KIRREL3: variants seen among roughly 807,000 people sequenced by gnomAD.
KIRREL3 encodes kin of IRRE-like protein 3.
In KIRREL3, 36 loss-of-function variants were observed where a neutral mutation model predicts 89.7. The observed-to-expected ratio is 0.40, with a 90% CI of 0.31 to 0.53. The LOEUF (loss-of-function observed/expected upper bound fraction) is 0.53, where lower values mean the gene tolerates loss of function less well. Ranked by LOEUF, KIRREL3 falls within the 20% of genes least tolerant of loss-of-function variation. The probability of loss-of-function intolerance (pLI) is 0.49; values close to 1 mark genes in which losing one functional copy is unlikely to be tolerated. For synonymous variants in KIRREL3, 445 were observed against 441.4 expected, an observed-to-expected ratio of 1.01 and a Z score of -0.10; for missense variants, 864 against 1,056.6, an observed-to-expected ratio of 0.82 and a Z score of 2.53.
Position 126,739,776 on chromosome 11 carries a change from G to T in KIRREL3, c.56-176864C>A, listed in dbSNP as rs1948918725. ...CGTAGCCAACACTGCAAATCAGGCA[G>T]CATGTATCAGAGTTTAAAAACCTCA... On this transcript the variant is annotated intron_variant, in intron 1 of 16. Transcript: ENST00000525144. The surrounding 1 kb of genome is among the most constrained non-coding windows in gnomAD (Gnocchi z 5.5). Among the ~76,000 whole-genome samples, 1 of 152,202 alleles carries T rather than the reference G, an allele frequency of 6.6e-6. No homozygotes were observed. The highest frequency in any genetic ancestry group is 2.4e-5 in the African/African-American group (1 of 41,442).
Position 126,696,752 on chromosome 11 carries a change from G to A in KIRREL3, c.56-133840C>T, listed in dbSNP as rs1426822095. 6.6e-6 allele frequency among the ~76,000 whole-genome samples: 1 copy of A among 152,072 alleles called. No individual in the cohort carries two copies. Among genetic ancestry groups the A allele is most frequent in the African/African-American group, 2.4e-5 (1 of 41,388 alleles). On this transcript the variant is annotated intron_variant, in intron 1 of 16. Transcript: ENST00000525144. The surrounding 1 kb of genome is among the most constrained non-coding windows in gnomAD (Gnocchi z 4.4). ...CCGTCTTCCTGCAGGCACCGCCAGT[G>A]GACACACCGAACACCCCTCTTGTCC...
rs1949953417 is a variant in KIRREL3 at position 126,769,509 on chromosome 11, G to T, written c.56-206597C>A. On this transcript the variant is annotated intron_variant, in intron 1 of 16. Transcript: ENST00000525144. The surrounding 1 kb of genome is among the most constrained non-coding windows in gnomAD (Gnocchi z 4.3). ...CTGTCTTCTCTCTAACAGTTAATGA[G>T]AACGATAGGTATTGATTTGCATATG... 6.6e-6 allele frequency among the ~76,000 whole-genome samples: 1 copy of T among 152,204 alleles called. No homozygotes were observed.
rs1334114679 is a variant in KIRREL3, at chr11:126,923,257, TCTTCTTCTTCTC to T, written c.55+77186_55+77197del. ...TTCTTCTTCTTCTTCTTCTTCTTCT[TCTTCTTCTTCTC>T]CTTCTCCTTCTCCTTCTCCTTCTCC... is the stretch of plus-strand genomic sequence containing the variant. On this transcript the variant is annotated intron_variant, in intron 1 of 16. Transcript: ENST00000525144. 2.3e-3 allele frequency among the ~76,000 whole-genome samples: 198 copies of T among 85,466 alleles called. 25 individuals carry two copies. The highest frequency in any genetic ancestry group is 4.8e-3 in the Middle Eastern group (1 of 210). 56.1% of individuals were successfully genotyped at this position (85,466 alleles called of 152,430 possible). A position where few individuals can be genotyped will look rare whatever the true frequency, so the allele number is the denominator to read the frequency against.
At chr11:126,721,982 T>C (rs1050095408) in intron 1 of KIRREL3, among the ~76,000 whole-genome samples, 1 of 152,232 alleles carries the variant, frequency 6.6e-6, no homozygotes, top group African/African-American at 2.4e-5. Flanking sequence ...AGGGTTCCCA[T>C]GGAAGTCCTT....
chr11:126,470,071 G>T (rs560239140), intron 5 of KIRREL3, among the ~76,000 whole-genome samples: 1 of 152,356 alleles, frequency 6.6e-6, no homozygotes, highest in South Asian at 2.1e-4. Flanking sequence ...ATGGTACCAG[G>T]CTCTCCGAGG....
rs1269277239 is a variant in KIRREL3 at position 126,879,069 on chromosome 11, G to T, written c.55+121386C>A. 6.6e-6 allele frequency among the ~76,000 whole-genome samples: 1 copy of T among 152,180 alleles called. No individual in the cohort carries two copies. The highest frequency in any genetic ancestry group is 1.5e-5 in the Non-Finnish European group (1 of 68,032). On this transcript the variant is annotated intron_variant, in intron 1 of 16. Transcript: ENST00000525144. This position sits in a 1 kb window ranked among gnomAD's most constrained non-coding sequence, Gnocchi z 5.4. ...TTTGTCAATTACAGGGCATTACTCT[G>T]CAGGCCAACCGGCAATTACAATGGC...
rs144677977 is a variant in KIRREL3, at chr11:126,999,754, A to T, written c.55+701T>A. 6.6e-6 allele frequency among the ~76,000 whole-genome samples: 1 copy of T among 152,294 alleles called. No homozygotes were observed. The highest frequency in any genetic ancestry group is 1.5e-5 in the Non-Finnish European group (1 of 68,026). On this transcript the variant is annotated intron_variant, in intron 1 of 16. Coordinates refer to ENST00000525144, the MANE Select transcript of KIRREL3 (RefSeq NM_032531.4). The surrounding 1 kb of genome is among the most constrained non-coding windows in gnomAD (Gnocchi z 5.7). ...AGAGGTGGCAAAGTTCTTTCCGGAG[A>T]GTCCACCTGCTTCTCTGCCCCTGCT...
At chr11:126,775,792 G>A (rs775262409) in intron 1 of KIRREL3, among the ~76,000 whole-genome samples, 24 of 152,294 alleles carry the variant, frequency 1.6e-4, no homozygotes, top group East Asian at 3.9e-4. Flanking sequence ...ATAGACGAGG[G>A]AATTGAGCTG....
At position 126,669,839 on chromosome 11, in the gene KIRREL3, C is replaced by CT. The variant is rs1197537444; in HGVS notation, c.56-106928dup. Reference sequence around the variant, plus strand: ...TGTAGAGTCAACTGTCTTCCTAAATCTTTTTTTGGAGGTCTAATAATTACC... The same window carrying CT: ...TGTAGAGTCAACTGTCTTCCTAAATCTTTTTTTTGGAGGTCTAATAATTACC... On this transcript the variant is annotated intron_variant, in intron 1 of 16. Coordinates refer to ENST00000525144, the MANE Select transcript of KIRREL3 (RefSeq NM_032531.4). The surrounding 1 kb of genome is among the most constrained non-coding windows in gnomAD (Gnocchi z 5.0). Among the ~76,000 whole-genome samples the CT allele has an allele frequency of 6.6e-6, 1 of 152,120 alleles. No individual in the cohort carries two copies. Among genetic ancestry groups the CT allele is most frequent in the East Asian group, 1.9e-4 (1 of 5,196 alleles).
chr11:126,694,558 G>T lies in KIRREL3; in HGVS notation c.56-131646C>A, dbSNP rs1947010831. Among the ~76,000 whole-genome samples the T allele has an allele frequency of 6.6e-6, 1 of 152,170 alleles. No homozygotes were observed. Among genetic ancestry groups the T allele is most frequent in the Non-Finnish European group, 1.5e-5 (1 of 68,032 alleles). On this transcript the variant is annotated intron_variant, in intron 1 of 16. Coordinates refer to ENST00000525144, the MANE Select transcript of KIRREL3 (RefSeq NM_032531.4). This position sits in a 1 kb window ranked among gnomAD's most constrained non-coding sequence, Gnocchi z 4.4. ...ATGCTGTTCTAGGGCAGGTTTGGGG[G>T]TGCTGACTAGGCCTTCACACAAAGA...
At position 127,000,628 on chromosome 11, in the gene KIRREL3, C is replaced by T; in HGVS notation, c.-119G>A. On this transcript the variant is annotated 5_prime_UTR_variant, in exon 1 of 17. Coordinates refer to ENST00000525144, the MANE Select transcript of KIRREL3 (RefSeq NM_032531.4). The surrounding 1 kb of genome is among the most constrained non-coding windows in gnomAD (Gnocchi z 7.1). Reference sequence around the variant, plus strand: ...TCTCGGGTTCGCGCCTACCATCTGTCCGTCCGTGGGTCCCTCCGGGTGGCT... The same window carrying T: ...TCTCGGGTTCGCGCCTACCATCTGTTCGTCCGTGGGTCCCTCCGGGTGGCT... The T allele has an allele frequency of 9.8e-7, 1 of 1,023,592 alleles. No homozygotes were observed. The highest frequency in any genetic ancestry group is 1.4e-6 in the Non-Finnish European group (1 of 691,254). The allele number at this position is 1,023,592 out of a possible 1,614,324, so 63.4% of individuals were successfully genotyped here.
chr11:126,980,805 G>A (rs1949700810), intron 1 of KIRREL3, among the ~76,000 whole-genome samples: 2 of 152,084 alleles, frequency 1.3e-5, no homozygotes, highest in South Asian at 4.2e-4. Context: ...TTAGAATGTT[G>A]TTTTAAAAGT....
chr11:126,680,473 C>T (rs1205715810), intron 1 of KIRREL3, among the ~76,000 whole-genome samples: 2 of 152,032 alleles, frequency 1.3e-5, no homozygotes, highest in East Asian at 3.9e-4. Context: ...CTCTCCCCTC[C>T]CAGTCCATCA....
chr11:126,702,655 T>C (rs549326385), intron 1 of KIRREL3, among the ~76,000 whole-genome samples: 1 of 152,348 alleles, frequency 6.6e-6, no homozygotes, highest in East Asian at 1.9e-4. Flanking sequence ...ACTTGCACTC[T>C]AGAAAGGCTG....
rs986387750 is a variant in KIRREL3, at chr11:126,870,545, C to T, written c.55+129910G>A. Among the ~76,000 whole-genome samples the T allele has an allele frequency of 1.2e-4, 18 of 152,332 alleles. No homozygotes were observed. Among genetic ancestry groups the T allele is most frequent in the African/African-American group, 1.7e-4 (7 of 41,570 alleles). On this transcript the variant is annotated intron_variant, in intron 1 of 16. Transcript: ENST00000525144. The surrounding 1 kb of genome is among the most constrained non-coding windows in gnomAD (Gnocchi z 4.4). ...CTCAGTAGAATGCAGCTTCCTGGCC[C>T]GGCTCCCATAGTGGCCCCTCCTGGC...
At chr11:126,499,334 C>T (rs183312954) in intron 4 of KIRREL3, among the ~76,000 whole-genome samples, 59 of 152,204 alleles carry the variant, frequency 3.9e-4, no homozygotes, top group African/African-American at 1.3e-3. Context: ...TCTTTTTCAT[C>T]GTTAGTAAGC....
chr11:126,701,837 G>A (rs996722445), intron 1 of KIRREL3, among the ~76,000 whole-genome samples: 5 of 152,216 alleles, frequency 3.3e-5, no homozygotes, highest in African/African-American at 7.2e-5. Flanking sequence ...TGTAAAGTGG[G>A]AAGACAACCA....
intron 13 of KIRREL3, among the ~76,000 whole-genome samples, chr11:126,433,965 G>A (rs998285309): frequency 6.6e-6 from 1 of 152,248 alleles, no homozygotes; most frequent in African/African-American, 2.4e-5. Flanking sequence ...GTTTCCACAC[G>A]CTGCTGACGG....
chr11:126,923,224 T>C lies in KIRREL3; in HGVS notation c.55+77231A>G, dbSNP rs1321156944. Reference sequence around the variant, plus strand: ...TTCTTCTTCTTCTTCTTCTTCTTCTTCTTCTTCTTCTTCTTCTTCTTCTTC... The same window carrying C: ...TTCTTCTTCTTCTTCTTCTTCTTCTCCTTCTTCTTCTTCTTCTTCTTCTTC... On this transcript the variant is annotated intron_variant, in intron 1 of 16. Coordinates refer to ENST00000525144, the MANE Select transcript of KIRREL3 (RefSeq NM_032531.4). Among the ~76,000 whole-genome samples, 56 of 34,794 alleles carry C rather than the reference T, an allele frequency of 1.6e-3. 13 individuals carry two copies. Among genetic ancestry groups the C allele is most frequent in the Non-Finnish European group, 2.7e-3 (47 of 17,198 alleles). The allele number at this position is 34,794 out of a possible 152,430, so 22.8% of individuals were successfully genotyped here. A position where few individuals can be genotyped will look rare whatever the true frequency, so the allele number is the denominator to read the frequency against.
Sources: gnomAD v4.1 joint callset for allele counts (sites outside exome capture counted in the v4.1 genomes callset) on GRCh38, gnomAD v4.1.1 for gene constraint, Gnocchi (gnomAD v3.1) non-coding constraint, MANE v1.5 for transcripts, NCBI Gene and HGNC (gene_info 2026-07-23, HGNC 2026-07-21) for gene names.